The following CCDC27 variants were observed in gnomAD, a reference collection of about 807,000 sequenced individuals.
The protein encoded by CCDC27 is coiled-coil domain-containing protein 27.
A neutral mutation model predicts 80.3 loss-of-function variants in CCDC27; 80 were observed. That is an observed-to-expected ratio of 1.00 (90% CI 0.83 to 1.20). The LOEUF (loss-of-function observed/expected upper bound fraction) is 1.20, where lower values mean the gene tolerates loss of function less well. CCDC27 is among the 50% of genes most tolerant of loss of function. The pLI, the probability that CCDC27 is intolerant of heterozygous loss-of-function variation, is 0.00. For missense variants in CCDC27, 815 were observed against 809.4 expected (o/e 1.01, Z -0.08); for synonymous variants, 342 against 334.3 (o/e 1.02, Z -0.25).
Position 3,760,385 on chromosome 1 carries a change from C to T in CCDC27, c.712-896C>T, listed in dbSNP as rs1240304643. Reference sequence around the variant, plus strand: ...CTTCCTATATCATAAATTTTCACACCTATCTTTATTCCTTTTCTTCTACTT... The same window carrying T: ...CTTCCTATATCATAAATTTTCACACTTATCTTTATTCCTTTTCTTCTACTT... On this transcript the variant is annotated intron_variant, in intron 4 of 11. Transcript: ENST00000294600. This position sits in a 1 kb window ranked among gnomAD's most constrained non-coding sequence, Gnocchi z 4.3. Among the ~76,000 whole-genome samples the T allele has an allele frequency of 6.6e-6, 1 of 152,088 alleles. No individual in the cohort carries two copies. Among genetic ancestry groups the T allele is most frequent in the Non-Finnish European group, 1.5e-5 (1 of 68,024 alleles).
chr1:3,763,939 T>G lies in CCDC27; in HGVS notation c.1452+103T>G. On this transcript the variant is annotated intron_variant, in intron 8 of 11. Coordinates refer to ENST00000294600, the MANE Select transcript of CCDC27 (RefSeq NM_152492.3). This position sits in a 1 kb window ranked among gnomAD's most constrained non-coding sequence, Gnocchi z 7.5. ...AGGCGCTGCCCGTCCCATCTACTGATGGAGACTTTGAGCCTGGGGTGTCCA... is the reference window on the plus strand; with the variant it reads ...AGGCGCTGCCCGTCCCATCTACTGAGGGAGACTTTGAGCCTGGGGTGTCCA... 2 of 1,483,240 alleles carry G rather than the reference T, an allele frequency of 1.3e-6. No individual in the cohort carries two copies. The highest frequency in any genetic ancestry group is 1.8e-6 in the Non-Finnish European group (2 of 1,110,326). 91.9% of individuals were successfully genotyped at this position (1,483,240 alleles called of 1,614,324 possible).
Position 3,763,736 on chromosome 1 carries a change from A to G in CCDC27, c.1352A>G (p.Asp451Gly), listed in dbSNP as rs925888797. 2 of 1,613,934 alleles carry G rather than the reference A, an allele frequency of 1.2e-6. No homozygotes were observed. The highest frequency in any genetic ancestry group is 2.7e-5 in the African/African-American group (2 of 74,894). The part of the protein sequence containing the change: ...GVIASLQQQV[D>G]FQETQLRKIN... ...ATTGCGTCTTTACAACAACAAGTGG[A>G]TTTCCAAGAAACCCAGCTGCGAAAG... Residue 451 changes from aspartate to glycine, a missense_variant, in exon 8 of 12, where the codon GAT becomes GGT. By Grantham distance (94) the Asp-to-Gly change is moderately conservative. Coordinates refer to ENST00000294600, the MANE Select transcript of CCDC27 (RefSeq NM_152492.3). The surrounding 1 kb of genome is among the most constrained non-coding windows in gnomAD (Gnocchi z 7.5).
At chr1:3,767,540 C>G (rs1216068806) in intron 10 of CCDC27, 95 bp downstream of exon 10, 1 of 1,095,600 alleles carries the variant, frequency 9.1e-7, no homozygotes, top group African/African-American at 1.6e-5. Context: ...GAACCGGGGT[C>G]TGTGTACGCT....
chr1:3,762,823 C>G (rs1643119930), intron 6 of CCDC27, 111 bp downstream of exon 6: 4 of 1,074,564 alleles, frequency 3.7e-6, no homozygotes, highest in Non-Finnish European at 5.3e-6. Flanking sequence ...CAGCCCTGAC[C>G]TGGGGTGCCC....
rs757776972 is a variant in CCDC27, at chr1:3,756,854, G to C, written c.675G>C (p.Lys225Asn). 1.2e-6 allele frequency: 2 copies of C among 1,613,772 alleles called. No individual in the cohort carries two copies. Among genetic ancestry groups the C allele is most frequent in the East Asian group, 2.2e-5 (1 of 44,878 alleles). Residue 225 changes from lysine to asparagine, a missense_variant, in exon 4 of 12, where the codon AAG becomes AAC. Transcript: ENST00000294600. The stretch of plus-strand genomic sequence containing the variant: ...TCGCATCTCAGAGCTGCCTGAGAAA[G>C]AGGATGCCCTGGTACCTCTCAGTCA... ...SSVASQSCLR[K>N]RMPWYLSVIH... is the part of the protein sequence containing the mutation.
rs1225121768 is a variant in CCDC27 at position 3,752,500 on chromosome 1, C to G, written c.19C>G (p.Pro7Ala). 4.3e-6 allele frequency: 7 copies of G among 1,613,842 alleles called. No homozygotes were observed. The highest frequency in any genetic ancestry group is 5.9e-6 in the Non-Finnish European group (7 of 1,179,960). Residue 7 changes from proline (P) to alanine (A), a missense_variant, in exon 1 of 12, where the codon CCC becomes GCC. Coordinates refer to ENST00000294600, the MANE Select transcript of CCDC27 (RefSeq NM_152492.3). ...CAGGTTCATGTTCGAGGCCATCTTC[C>G]CCTCCACACCCCAAGCCAGGCTGAA... MFEAIF[P>A]STPQARLKRD...
At chr1:3,755,644 C>A in intron 3 of CCDC27, 77 bp downstream of exon 3, 2 of 1,250,658 alleles carry the variant, frequency 1.6e-6, no homozygotes, top group Non-Finnish European at 2.3e-6. Flanking sequence ...AGGGTCGCTG[C>A]TTGTGCCCTG....
At chr1:3,755,413 C>A in intron 2 of CCDC27, 44 bp from the exon 3 acceptor site, 1 of 1,523,492 alleles carries the variant, frequency 6.6e-7, no homozygotes, top group Non-Finnish European at 9.1e-7. Flanking sequence ...CTTGGGGAGA[C>A]AAGACCGCAG....
Position 3,755,665 on chromosome 1 carries a change from T to A in CCDC27, c.553+98T>A, listed in dbSNP as rs892647149. On this transcript the variant is annotated intron_variant, in intron 3 of 11. Coordinates refer to ENST00000294600, the MANE Select transcript of CCDC27 (RefSeq NM_152492.3). ...GCTGCTTGTGCCCTGCGGAATTCCC[T>A]CCCGGGACTGTCTGCCTCCTGAGGA... 7 of 1,007,654 alleles carry A rather than the reference T, an allele frequency of 6.9e-6. No homozygotes were observed. The Admixed American group carries it at 1.3e-4, about 18-fold the overall frequency. 62.4% of individuals were successfully genotyped at this position (1,007,654 alleles called of 1,614,324 possible).
At chr1:3,764,140 C>T (rs1371141751) in intron 8 of CCDC27, among the ~76,000 whole-genome samples, 1 of 152,186 alleles carries the variant, frequency 6.6e-6, no homozygotes, top group Admixed American at 6.5e-5. Flanking sequence ...ATCTCCTGGC[C>T]CCTGAGTCCT....
intron 11 of CCDC27, among the ~76,000 whole-genome samples, chr1:3,771,144 G>A (rs760782979): frequency 6.6e-6 from 1 of 152,144 alleles, no homozygotes; most frequent in Admixed American, 6.5e-5. Flanking sequence ...CTTCACTTCC[G>A]TGGCTGAAAA....
At chr1:3,770,960 G>T (rs1218050095) in intron 11 of CCDC27, among the ~76,000 whole-genome samples, 1 of 152,170 alleles carries the variant, frequency 6.6e-6, no homozygotes, top group Non-Finnish European at 1.5e-5. Flanking sequence ...AAGAGAGGTG[G>T]GGACAACATT....
At position 3,763,371 on chromosome 1, in the gene CCDC27, G is replaced by C; in HGVS notation, c.1218G>C (p.Ser406=). The C allele has an allele frequency of 6.2e-7, 1 of 1,612,964 alleles. No individual in the cohort carries two copies. The highest frequency in any genetic ancestry group is 8.5e-7 in the Non-Finnish European group (1 of 1,179,978). ...GAAGGGCCTCCTCCCTGGCCGAGTCGTTTGAGGAGGAGCTGCTGGCCCAGC... is the reference window on the plus strand; with the variant it reads ...GAAGGGCCTCCTCCCTGGCCGAGTCCTTTGAGGAGGAGCTGCTGGCCCAGC... ...PRRRASSLAE[S]FEEELLAQLE... The change falls in exon 7 of 12, where the codon TCG becomes TCC. Residue 406 remains serine (S), a synonymous_variant. Transcript: ENST00000294600. The surrounding 1 kb of genome is among the most constrained non-coding windows in gnomAD (Gnocchi z 7.5).
rs1336540104 is a variant in CCDC27, at chr1:3,768,787, G to A, written c.1744-996G>A. 6.6e-6 allele frequency among the ~76,000 whole-genome samples: 1 copy of A among 152,184 alleles called. No individual in the cohort carries two copies. Among genetic ancestry groups the A allele is most frequent in the Non-Finnish European group, 1.5e-5 (1 of 68,018 alleles). ...GGGGAAGTGAGGCTGGACACCCCGG[G>A]TAGCTGCCAACCTCTACCCTGGGGA... On this transcript the variant is annotated intron_variant, in intron 10 of 11. Coordinates refer to ENST00000294600, the MANE Select transcript of CCDC27 (RefSeq NM_152492.3). This position sits in a 1 kb window ranked among gnomAD's most constrained non-coding sequence, Gnocchi z 5.6.
At position 3,755,574 on chromosome 1, in the gene CCDC27, G is replaced by A; in HGVS notation, c.553+7G>A. 1.2e-6 allele frequency: 2 copies of A among 1,610,382 alleles called. No individual in the cohort carries two copies. On this transcript the variant is annotated splice_region_variant and intron_variant, in intron 3 of 11. Coordinates refer to ENST00000294600, the MANE Select transcript of CCDC27 (RefSeq NM_152492.3). ...TCAGACACGAACGTGGACGGTGAGG[G>A]AGCCCCTAGGGCCTCTGCCTGCACC...
At chr1:3,758,408 G>C (rs926101307) in intron 4 of CCDC27, among the ~76,000 whole-genome samples, 1 of 151,492 alleles carries the variant, frequency 6.6e-6, no homozygotes, top group African/African-American at 2.4e-5. Context: ...GGATGGTCTT[G>C]ATCTCTTGAC....
Position 3,767,268 on chromosome 1 carries a change from G to A in CCDC27, c.1566G>A (p.Arg522=). ...VSELERKLTK[R]DCVISELDTK... is the part of the protein sequence containing the mutation. ...AACTGGAGAGAAAGCTCACCAAGCG[G>A]GACTGTGTCATCTCAGAGTTGGACA... The change falls in exon 10 of 12, where the codon CGG becomes CGA. Residue 522 remains arginine (R), a synonymous_variant. Coordinates refer to ENST00000294600, the MANE Select transcript of CCDC27 (RefSeq NM_152492.3). 1 of 1,614,108 alleles carries A rather than the reference G, an allele frequency of 6.2e-7. No homozygotes were observed. The highest frequency in any genetic ancestry group is 8.5e-7 in the Non-Finnish European group (1 of 1,180,030).
At chr1:3,752,858 C>T in intron 1 of CCDC27, 59 bp downstream of exon 1, 1 of 1,524,288 alleles carries the variant, frequency 6.6e-7, no homozygotes, top group Non-Finnish European at 8.9e-7. Context: ...TTCTTCTCCT[C>T]CCCAAAGGCC....
At position 3,766,244 on chromosome 1, in the gene CCDC27, C is replaced by T. The variant is rs149314239; in HGVS notation, c.1453-291C>T. 6.6e-6 allele frequency among the ~76,000 whole-genome samples: 1 copy of T among 152,302 alleles called. No homozygotes were observed. The highest frequency in any genetic ancestry group is 1.5e-5 in the Non-Finnish European group (1 of 68,026). On this transcript the variant is annotated intron_variant, in intron 8 of 11. Transcript: ENST00000294600. This position sits in a 1 kb window ranked among gnomAD's most constrained non-coding sequence, Gnocchi z 6.1. ...CCATGTTTAGAAGAACCCAGACCAA[C>T]AATGTCTGAGACTTTTAGGAACTCA...
Sources: gnomAD v4.1 joint callset for allele counts (sites outside exome capture counted in the v4.1 genomes callset) on GRCh38, gnomAD v4.1.1 for gene constraint, Gnocchi (gnomAD v3.1) non-coding constraint, MANE v1.5 for transcripts, NCBI Gene and HGNC (gene_info 2026-07-23, HGNC 2026-07-21) for gene names.